Variants in CRPPA observed in about 807,000 individuals in gnomAD.
CRPPA encodes the protein CDP-L-ribitol pyrophosphorylase A.
CRPPA carries 43 observed loss-of-function variants against 52.0 expected under a neutral mutation model. The ratio of observed to expected loss-of-function variants is 0.83; its 90% CI spans 0.65 to 1.07. The LOEUF (loss-of-function observed/expected upper bound fraction) is 1.07, where lower values mean the gene tolerates loss of function less well. CRPPA is among the 50% of genes least tolerant of loss of function. CRPPA has a pLI of 0.00. For synonymous variants in CRPPA, 250 were observed against 203.5 expected, an observed-to-expected ratio of 1.23 and a Z score of -1.94; for missense variants, 629 against 551.7, an observed-to-expected ratio of 1.14 and a Z score of -1.40.
intron 3 of CRPPA, among the ~76,000 whole-genome samples, chr7:16,358,024 C>A (rs998333751): frequency 6.6e-6 from 1 of 152,212 alleles, no homozygotes; most frequent in Admixed American, 6.5e-5. Flanking sequence ...TGGAAGTATA[C>A]TGCTGGGGTA....
At chr7:16,420,924 G>A in intron 1 of CRPPA, 142 bp downstream of exon 1, 1 of 692,164 alleles carries the variant, frequency 1.4e-6, no homozygotes, top group Non-Finnish European at 2.1e-6. Context: ...TGAAATGCGG[G>A]AGGGAACAGA....
chr7:16,179,016 C>T (rs780571850), intron 9 of CRPPA, among the ~76,000 whole-genome samples: 4 of 151,476 alleles, frequency 2.6e-5, no homozygotes, highest in Non-Finnish European at 5.9e-5. Context: ...TTCAGGCACA[C>T]ACGAATCTTA....
intron 3 of CRPPA, among the ~76,000 whole-genome samples, chr7:16,361,178 T>C (rs188279137): frequency 1.1e-3 from 167 of 152,258 alleles, no homozygotes; most frequent in African/African-American, 3.8e-3. Context: ...TTCATCCCCA[T>C]TAGGACAATT....
intron 8 of CRPPA, among the ~76,000 whole-genome samples, chr7:16,233,318 C>T (rs1350349010): frequency 6.6e-6 from 1 of 151,996 alleles, no homozygotes; most frequent in Non-Finnish European, 1.5e-5. Context: ...AATGTTAAAA[C>T]CACATATCAA....
chr7:16,255,187 C>T (rs1228304235), intron 8 of CRPPA, among the ~76,000 whole-genome samples: 2 of 152,122 alleles, frequency 1.3e-5, no homozygotes, highest in East Asian at 1.9e-4. Flanking sequence ...AACTCCCATT[C>T]ACAATTGCTA....
chr7:16,381,276 T>G (rs906238274), intron 2 of CRPPA, among the ~76,000 whole-genome samples: 1 of 152,194 alleles, frequency 6.6e-6, no homozygotes, highest in Non-Finnish European at 1.5e-5. Context: ...AGCAGGTTGT[T>G]CAGTTTCCAT....
chr7:16,259,016 G>T lies in CRPPA; in HGVS notation c.934-4C>A. 6.3e-7 allele frequency: 1 copy of T among 1,599,048 alleles called. No individual in the cohort carries two copies. The highest frequency in any genetic ancestry group is 8.5e-7 in the Non-Finnish European group (1 of 1,171,002). ...CCTCAGATGTGACTTTTACATGCTA[G>T]TAGGAAAAAACAGAAATGAATTCAC... On this transcript the variant is annotated splice_region_variant and splice_polypyrimidine_tract_variant and intron_variant, in intron 6 of 9. Coordinates refer to ENST00000407010, the MANE Select transcript of CRPPA (RefSeq NM_001101426.4).
chr7:16,375,782 C>A (rs192653752), intron 3 of CRPPA, among the ~76,000 whole-genome samples: 202 of 152,270 alleles, frequency 1.3e-3, no homozygotes, highest in African/African-American at 4.7e-3. Context: ...TCTCTAACAG[C>A]CCTCCCTGGG....
intron 5 of CRPPA, among the ~76,000 whole-genome samples, chr7:16,295,985 C>A (rs757601964): frequency 2.6e-5 from 4 of 152,088 alleles, no homozygotes; most frequent in Non-Finnish European, 5.9e-5. Flanking sequence ...TAAAGAACAA[C>A]AACCAAATCC....
At chr7:16,377,433 A>G (rs1786922978) in intron 2 of CRPPA, among the ~76,000 whole-genome samples, 1 of 152,244 alleles carries the variant, frequency 6.6e-6, no homozygotes. Flanking sequence ...CACTGAAACT[A>G]CGTATATTTT....
At chr7:16,289,235 C>T (rs886327700) in intron 5 of CRPPA, among the ~76,000 whole-genome samples, 5 of 151,954 alleles carry the variant, frequency 3.3e-5, no homozygotes, top group Non-Finnish European at 7.4e-5. Context: ...GAACGAAAAG[C>T]CCAGGACCAG....
intron 5 of CRPPA, among the ~76,000 whole-genome samples, chr7:16,292,136 T>C (rs1287390374): frequency 6.6e-6 from 1 of 151,952 alleles, no homozygotes; most frequent in Non-Finnish European, 1.5e-5. Flanking sequence ...CATAGTTATA[T>C]TAATCAATTA....
intron 2 of CRPPA, among the ~76,000 whole-genome samples, chr7:16,386,520 T>A (rs112805420): frequency 2.0e-5 from 3 of 152,206 alleles, no homozygotes; most frequent in African/African-American, 7.2e-5. Flanking sequence ...CCTATCTGTA[T>A]AAATTATATT....
chr7:16,158,132 C>A (rs1783225930), intron 9 of CRPPA, among the ~76,000 whole-genome samples: 1 of 151,712 alleles, frequency 6.6e-6, no homozygotes, highest in Non-Finnish European at 1.5e-5. Context: ...GATCCGCCCA[C>A]TTCGGCCTCC....
At chr7:16,135,367 T>A (rs961474526) in intron 9 of CRPPA, among the ~76,000 whole-genome samples, 7 of 152,184 alleles carry the variant, frequency 4.6e-5, no homozygotes, top group African/African-American at 1.7e-4. Context: ...AAACTGTATA[T>A]TGAGCCTTTA....
intron 9 of CRPPA, among the ~76,000 whole-genome samples, chr7:16,166,745 A>G (rs1781074683): frequency 6.6e-6 from 1 of 152,076 alleles, no homozygotes; most frequent in African/African-American, 2.4e-5. Flanking sequence ...CTCTTACATC[A>G]CGATCTTGCC....
intron 9 of CRPPA, among the ~76,000 whole-genome samples, chr7:16,096,418 G>C (rs1781935689): frequency 6.6e-6 from 1 of 151,974 alleles, no homozygotes; most frequent in Non-Finnish European, 1.5e-5. Flanking sequence ...TAAAAATGTT[G>C]ATGAAAAATG....
At chr7:16,146,426 C>A (rs1274193531) in intron 9 of CRPPA, among the ~76,000 whole-genome samples, 1 of 152,108 alleles carries the variant, frequency 6.6e-6, no homozygotes, top group African/African-American at 2.4e-5. Context: ...AAGATAAAAA[C>A]AAATGAAAGT....
At chr7:16,401,261 TAG>T (rs144357355) in intron 2 of CRPPA, among the ~76,000 whole-genome samples, 13 of 152,206 alleles carry the variant, frequency 8.5e-5, no homozygotes, top group African/African-American at 2.2e-4. Flanking sequence ...CCCAAAGATT[TAG>T]AGTCTTCCTC....
Sources: gnomAD v4.1 joint callset for allele counts (sites outside exome capture counted in the v4.1 genomes callset) on GRCh38, gnomAD v4.1.1 for gene constraint, MANE v1.5 for transcripts, NCBI Gene and HGNC (gene_info 2026-07-23, HGNC 2026-07-21) for gene names.